Variants in TTN observed in about 807,000 individuals in gnomAD.
TTN encodes the protein connectin.
Under a neutral mutation model 3,223.0 loss-of-function variants are expected in TTN, and 1,525 were observed. The ratio of observed to expected loss-of-function variants is 0.47; its 90% confidence interval spans 0.45 to 0.49. The LOEUF (loss-of-function observed/expected upper bound fraction) is 0.49. Ranked by LOEUF, TTN falls within the 20% of genes least tolerant of loss-of-function variation. The pLI, the probability that TTN is intolerant of heterozygous loss-of-function variation, is 0.00. For synonymous variants in TTN, 14,094 were observed against 15,161.0 expected (o/e 0.93, Z 5.17); for missense variants, 40,786 against 43,424.0 (o/e 0.94, Z 5.40).
chr2:178,674,987 A>G (rs1577252727), intron 150 of TTN, 52 bp downstream of exon 150: 2 of 1,127,406 alleles, frequency 1.8e-6, no homozygotes, highest in Non-Finnish European at 1.2e-6. Context: ...ATATTAGACA[A>G]TAATAAGACA....
Position 178,563,550 on chromosome 2 carries a change from G to A in TTN, c.82582C>T (p.Arg27528Trp), listed in dbSNP as rs749852593. Residue 27528 changes from arginine (R) to tryptophan (W), a missense_variant, in exon 326 of 363, where the codon CGG (arginine) becomes TGG (tryptophan). By Grantham distance (101) the Arg-to-Trp change is moderately radical. Transcript: ENST00000589042. This position sits in a 1 kb window ranked among gnomAD's most constrained non-coding sequence, Gnocchi z 4.5. Reference sequence around the variant, plus strand: ...TCGGTAAGACCAGTTACCCTGAGCCGCAGATCCGTTAATGTTTTCTTGTTG... The same window carrying A: ...TCGGTAAGACCAGTTACCCTGAGCCACAGATCCGTTAATGTTTTCTTGTTG... ...KCNKKTLTDL[R>W]LRVTGLTEGH... The A allele has an allele frequency of 2.3e-5, 37 of 1,613,614 alleles. No homozygotes were observed. The highest frequency in any genetic ancestry group is 1.3e-4 in the South Asian group (12 of 91,082).
chr2:178,739,254 G>T lies in TTN; in HGVS notation c.13979C>A (p.Thr4660Lys), dbSNP rs754231728. The T allele has an allele frequency of 6.2e-7, 1 of 1,607,062 alleles. No homozygotes were observed. The highest frequency in any genetic ancestry group is 8.5e-7 in the Non-Finnish European group (1 of 1,175,128). ...FKCLQDQNTY[T>K]LVIDKVNTED... is the part of the protein sequence containing the mutation. Reference sequence around the variant, plus strand: ...GGTATTTACTTTGTCGATGACTAGCGTATATGTATTTTGATCTTGTAAACA... The same window carrying T: ...GGTATTTACTTTGTCGATGACTAGCTTATATGTATTTTGATCTTGTAAACA... The change falls in exon 48 of 363, where the codon ACG becomes AAG. Residue 4660 changes from threonine to lysine, a missense_variant. Thr to Lys is a moderately conservative substitution (Grantham distance 78, BLOSUM62 -1). Transcript: ENST00000589042.
chr2:178,750,242 A>G, intron 47 of TTN: 1 of 1,613,170 alleles, frequency 6.2e-7, no homozygotes, highest in Non-Finnish European at 8.5e-7. Flanking sequence ...TTCCTCATCC[A>G]AGTAGTCATG....
rs755700079 is a variant in TTN, at chr2:178,590,137, G to T, written c.61588C>A (p.Pro20530Thr). Residue 20530 changes from proline (P) to threonine (T), a missense_variant, in exon 304 of 363, where the codon CCT (proline) becomes ACT (threonine). Coordinates refer to ENST00000589042, the MANE Select transcript of TTN (RefSeq NM_001267550.2). ...EKRVDLIQDL[P>T]RVELQIKEAV... is the part of the protein sequence containing the mutation. ...TCTTTAATTTGTAACTCAACACGAGGTAGATCCTGAATAAGGTCCACCCTC... is the reference window on the plus strand; with the variant it reads ...TCTTTAATTTGTAACTCAACACGAGTTAGATCCTGAATAAGGTCCACCCTC... The T allele has an allele frequency of 7.1e-5, 114 of 1,613,108 alleles. No individual in the cohort carries two copies. Among genetic ancestry groups the T allele is most frequent in the Non-Finnish European group, 9.1e-5 (107 of 1,179,490 alleles).
In TTN at chr2:178,556,950, G is replaced by C; in HGVS notation, c.88204C>G (p.Gln29402Glu). 6.2e-7 allele frequency: 1 copy of C among 1,613,820 alleles called. No individual in the cohort carries two copies. Among genetic ancestry groups the C allele is most frequent in the South Asian group, 1.1e-5 (1 of 91,078 alleles). ...ACACGGAATTCATACTGGGAATTCTGAGTCAAGCCAGAGATGATGAATTGA... is the reference window on the plus strand; with the variant it reads ...ACACGGAATTCATACTGGGAATTCTCAGTCAAGCCAGAGATGATGAATTGA... ...ETQFIISGLT[Q>E]NSQYEFRVFA... The change falls in exon 330 of 363, where the codon CAG (glutamine) becomes GAG (glutamate). Residue 29402 changes from glutamine (Q) to glutamate (E), a missense_variant. By Grantham distance (29) the Gln-to-Glu change is conservative (BLOSUM62 2). Coordinates refer to ENST00000589042, the MANE Select transcript of TTN (RefSeq NM_001267550.2).
chr2:178,540,297 A>G lies in TTN; in HGVS notation c.97869T>C (p.Val32623=). ...CTTTAGATCCTCCTTCATCTTCTGGAACACTCCAGGCCAGGGAGACTGATG... is the reference window on the plus strand; with the variant it reads ...CTTTAGATCCTCCTTCATCTTCTGGGACACTCCAGGCCAGGGAGACTGATG... ...TRTSVSLAWS[V]PEDEGGSKVT... The change falls in exon 351 of 363, where the codon GTT becomes GTC. Residue 32623 remains valine, a synonymous_variant. Coordinates refer to ENST00000589042, the MANE Select transcript of TTN (RefSeq NM_001267550.2). 11 of 1,613,732 alleles carry G rather than the reference A, an allele frequency of 6.8e-6. No individual in the cohort carries two copies. The highest frequency in any genetic ancestry group is 9.3e-6 in the Non-Finnish European group (11 of 1,179,732).
chr2:178,756,903 G>T, intron 45 of TTN, 106 bp from the exon 46 acceptor site: 1 of 1,029,002 alleles, frequency 9.7e-7, no homozygotes, highest in Non-Finnish European at 1.4e-6. Flanking sequence ...GATGAAAGAC[G>T]TAGTTGTCAC....
chr2:178,798,461 C>T (rs1318975591), intron 6 of TTN: 1 of 152,032 alleles, frequency 6.6e-6, no homozygotes, highest in Non-Finnish European at 1.5e-5. Context: ...CATAGAAGTC[C>T]ATTTTATTTT....
Position 178,532,454 on chromosome 2 carries a change from C to G in TTN, c.104161G>C (p.Glu34721Gln). 6.2e-7 allele frequency: 1 copy of G among 1,613,974 alleles called. No individual in the cohort carries two copies. The highest frequency in any genetic ancestry group is 8.5e-7 in the Non-Finnish European group (1 of 1,179,866). ...GAATACCTGAAGTCTTTTCTTGTTTCCTCCACCTTGACATGAGCTTGTGGT... is the reference window on the plus strand; with the variant it reads ...GAATACCTGAAGTCTTTTCTTGTTTGCTCCACCTTGACATGAGCTTGTGGT... ...SSPQAHVKVE[E>Q]TRKDFRYSTY... The change falls in exon 358 of 363, where the codon GAA (glutamate) becomes CAA (glutamine). Residue 34721 changes from glutamate to glutamine, a missense_variant. By Grantham distance (29) the Glu-to-Gln change is conservative. Coordinates refer to ENST00000589042, the MANE Select transcript of TTN (RefSeq NM_001267550.2).
At chr2:178,805,535 C>T (rs927439284) in intron 1 of TTN, among the ~76,000 whole-genome samples, 5 of 152,100 alleles carry the variant, frequency 3.3e-5, no homozygotes, top group African/African-American at 1.2e-4. Context: ...TTTGTAATCT[C>T]TTTCCTGACT....
In TTN at chr2:178,589,330, G is replaced by T. The variant is rs1300626441; in HGVS notation, c.62395C>A (p.Pro20799Thr). Reference protein sequence around the residue: ...LEAGVRGKPFPEVAWTKDKDA... With the variant: ...LEAGVRGKPFTEVAWTKDKDA... ...TTGTCCTTGGTCCATGCAACTTCTG[G>T]GAATGGTTTGCCTCTAACCCCTGCC... is the stretch of plus-strand genomic sequence containing the variant. The change falls in exon 304 of 363, where the codon CCA becomes ACA. Residue 20799 changes from proline (P) to threonine (T), a missense_variant. Pro to Thr is a conservative substitution (Grantham distance 38, BLOSUM62 -1). Transcript: ENST00000589042. 9 of 1,612,684 alleles carry T rather than the reference G, an allele frequency of 5.6e-6. No individual in the cohort carries two copies. The East Asian group carries it at 1.1e-4, about 20-fold the overall frequency.
intron 21 of TTN, among the ~76,000 whole-genome samples, chr2:178,780,774 AG>A (rs2092695488): frequency 6.6e-6 from 1 of 152,188 alleles, no homozygotes; most frequent in African/African-American, 2.4e-5. Flanking sequence ...TGTCTCTTTG[AG>A]GCAGGGCACC....
chr2:178,791,496 C>G (rs2093490152), intron 10 of TTN, among the ~76,000 whole-genome samples: 1 of 152,150 alleles, frequency 6.6e-6, no homozygotes, highest in South Asian at 2.1e-4. Context: ...ATTGTCCTCA[C>G]ACAGCTCTAC....
intron 151 of TTN, 93 bp from the exon 152 acceptor site, chr2:178,673,803 C>G (rs1480075164): frequency 1.1e-6 from 1 of 922,110 alleles, no homozygotes; most frequent in Non-Finnish European, 1.6e-6. Context: ...AAAACATTGA[C>G]TTATTTTTAA....
At chr2:178,697,239 C>T in intron 112 of TTN, 71 bp from the exon 113 acceptor site, 2 of 1,267,142 alleles carry the variant, frequency 1.6e-6, no homozygotes, top group Non-Finnish European at 2.1e-6. Context: ...TACTAATCCT[C>T]CACATCATTG....
Position 178,770,641 on chromosome 2 carries a change from T to G in TTN, c.8151A>C (p.Thr2717=). 6.2e-7 allele frequency: 1 copy of G among 1,613,856 alleles called. No individual in the cohort carries two copies. The highest frequency in any genetic ancestry group is 2.2e-5 in the East Asian group (1 of 44,872). ...VKIKKTLKNL[T]VTETQDAVFT... is the part of the protein sequence containing the mutation. ...AAACAGCATCCTGTGTTTCTGTCACTGTGAGGTTCTTCAGAGTCTTCTTAA... is the reference window on the plus strand; with the variant it reads ...AAACAGCATCCTGTGTTTCTGTCACGGTGAGGTTCTTCAGAGTCTTCTTAA... Residue 2717 remains threonine (T), a synonymous_variant, in exon 35 of 363, where the codon ACA becomes ACC. Coordinates refer to ENST00000589042, the MANE Select transcript of TTN (RefSeq NM_001267550.2).
In TTN at chr2:178,593,783, T is replaced by C; in HGVS notation, c.58517A>G (p.Asp19506Gly). 6.2e-7 allele frequency: 1 copy of C among 1,613,154 alleles called. No individual in the cohort carries two copies. Among genetic ancestry groups the C allele is most frequent in the Non-Finnish European group, 8.5e-7 (1 of 1,179,592 alleles). Residue 19506 changes from aspartate (D) to glycine (G), a missense_variant, in exon 298 of 363, where the codon GAT becomes GGT. Transcript: ENST00000589042. ...ATTGGTGATTTTACTGCCTCCATCA[T>C]CTAAAGGAGGCTTCCAAGAGATAAC... ...YMVISWKPPL[D>G]DGGSKITNYI... is the part of the protein sequence containing the mutation.
rs150930737 is a variant in TTN, at chr2:178,546,087, C to T, written c.95149G>A (p.Val31717Ile). ...CACTTCTCCTGTGTTACTCTGCTGACGGTGAGCTTTCCACATGGGCCAGGG... is the reference window on the plus strand; with the variant it reads ...CACTTCTCCTGTGTTACTCTGCTGATGGTGAGCTTTCCACATGGGCCAGGG... ...DSPGPCGKLT[V>I]SRVTQEKCTL... Residue 31717 changes from valine (V) to isoleucine (I), a missense_variant, in exon 343 of 363, where the codon GTC (valine) becomes ATC (isoleucine). Coordinates refer to ENST00000589042, the MANE Select transcript of TTN (RefSeq NM_001267550.2). 57 of 1,610,892 alleles carry T rather than the reference C, an allele frequency of 3.5e-5. No homozygotes were observed. The highest frequency in any genetic ancestry group is 1.7e-4 in the Middle Eastern group (1 of 6,044).
intron 4 of TTN, 123 bp from the exon 5 acceptor site, chr2:178,800,033 G>T: frequency 9.3e-7 from 1 of 1,073,918 alleles, no homozygotes; most frequent in African/African-American, 1.6e-5. Flanking sequence ...GAAAATTGCA[G>T]AAAGTTTTGG....
Sources: gnomAD v4.1 joint callset for allele counts (sites outside exome capture counted in the v4.1 genomes callset) on GRCh38, gnomAD v4.1.1 for gene constraint, Gnocchi (gnomAD v3.1) non-coding constraint, MANE v1.5 for transcripts, NCBI Gene and HGNC (gene_info 2026-07-23, HGNC 2026-07-21) for gene names.